The following GALNT18 variants were observed in gnomAD, a reference collection of about 807,000 sequenced individuals.
GALNT18 encodes the protein GalNAc-transferase 18.
A neutral mutation model predicts 69.5 loss-of-function variants in GALNT18; 44 were observed. That is an observed-to-expected ratio of 0.63 (90% CI 0.50 to 0.81). The LOEUF (loss-of-function observed/expected upper bound fraction) is 0.81. Among genes scored for constraint, GALNT18 ranks in the 40% least tolerant of loss-of-function variants. The pLI is 0.00. For missense variants in GALNT18, 715 were observed against 810.0 expected (o/e 0.88, Z 1.42); for synonymous variants, 364 against 318.2 (o/e 1.14, Z -1.53).
intron 1 of GALNT18, among the ~76,000 whole-genome samples, chr11:11,518,963 G>C (rs1857338921): frequency 6.6e-6 from 1 of 152,212 alleles, no homozygotes. Flanking sequence ...TGCTGTGGCA[G>C]CTAAAAGATC....
At chr11:11,504,349 C>T (rs1254153902) in intron 1 of GALNT18, among the ~76,000 whole-genome samples, 1 of 152,096 alleles carries the variant, frequency 6.6e-6, no homozygotes, top group Non-Finnish European at 1.5e-5. Context: ...ACTGAATAGC[C>T]CTGGGCACAC....
At chr11:11,295,059 A>C (rs1564884361) in intron 9 of GALNT18, among the ~76,000 whole-genome samples, 1 of 152,238 alleles carries the variant, frequency 6.6e-6, no homozygotes, top group Non-Finnish European at 1.5e-5. Context: ...GGTGGTTGAC[A>C]ACTACTTTTT....
At chr11:11,574,694 A>T (rs1199143576) in intron 1 of GALNT18, among the ~76,000 whole-genome samples, 2 of 152,212 alleles carry the variant, frequency 1.3e-5, no homozygotes, top group Non-Finnish European at 2.9e-5. Flanking sequence ...GGGTGCAGGC[A>T]GGAGCTGATG....
At position 11,277,510 on chromosome 11, in the gene GALNT18, CTCTGA is replaced by C. The variant is rs544595707; in HGVS notation, c.1678-6225_1678-6221del. ...CATGTCTCTATCTCCTTCAGTTCTG[CTCTGA>C]TCTTAGTTATTTCTTTCCTTCTGCC... is the stretch of plus-strand genomic sequence containing the variant. On this transcript the variant is annotated intron_variant, in intron 10 of 10. Transcript: ENST00000227756. Among the ~76,000 whole-genome samples, 39 of 152,262 alleles carry C rather than the reference CTCTGA, an allele frequency of 2.6e-4. No homozygotes were observed. In the South Asian group the frequency reaches 4.4e-3, roughly 17 times the overall value.
chr11:11,340,952 T>A lies in GALNT18; in HGVS notation c.1145A>T (p.His382Leu), dbSNP rs1400888026. The A allele has an allele frequency of 6.2e-6, 10 of 1,613,414 alleles. No individual in the cohort carries two copies. The highest frequency in any genetic ancestry group is 1.7e-5 in the Admixed American group (1 of 59,950). Reference sequence around the variant, plus strand: ...GTAGGGCTTGTGGGCTCGCTCAATGTGGGCAATCCGTGAGCAGGGCAGGAC... The same window carrying A: ...GTAGGGCTTGTGGGCTCGCTCAATGAGGGCAATCCGTGAGCAGGGCAGGAC... ...VEVLPCSRIA[H>L]IERAHKPYTE... Residue 382 changes from histidine (H) to leucine (L), a missense_variant, in exon 7 of 11, where the codon CAC (histidine) becomes CTC (leucine). Transcript: ENST00000227756. This position sits in a 1 kb window ranked among gnomAD's most constrained non-coding sequence, Gnocchi z 4.2.
chr11:11,288,568 A>G (rs1464470628), intron 10 of GALNT18, among the ~76,000 whole-genome samples: 3 of 152,174 alleles, frequency 2.0e-5, no homozygotes, highest in African/African-American at 7.2e-5. Context: ...TTATATCTGC[A>G]TTCCTCCTGT....
Position 11,327,114 on chromosome 11 carries a change from A to C in GALNT18, c.1484T>G (p.Met495Arg). The change falls in exon 9 of 11, where the codon ATG (methionine) becomes AGG (arginine). Residue 495 changes from methionine to arginine, a missense_variant. By Grantham distance (91) the Met-to-Arg change is moderately conservative. Transcript: ENST00000227756. ...AGGCGTCATCCCATGGCAGATGTAC[A>C]TGATGGGGACATTCTCTGTATCTGG... The part of the protein sequence containing the change: ...QGPDTENVPI[M>R]YICHGMTPQN... The C allele has an allele frequency of 1.2e-6, 2 of 1,613,878 alleles. No individual in the cohort carries two copies. The highest frequency in any genetic ancestry group is 1.7e-6 in the Non-Finnish European group (2 of 1,179,744).
At chr11:11,305,235 A>G (rs919342705) in intron 9 of GALNT18, among the ~76,000 whole-genome samples, 2 of 152,220 alleles carry the variant, frequency 1.3e-5, no homozygotes, top group South Asian at 2.1e-4. Flanking sequence ...GCTTAGATGC[A>G]GAGTGTGCCT....
At chr11:11,449,729 C>T (rs1489943348) in intron 1 of GALNT18, among the ~76,000 whole-genome samples, 1 of 152,236 alleles carries the variant, frequency 6.6e-6, no homozygotes, top group African/African-American at 2.4e-5. Context: ...GTCAGTGCTC[C>T]ACCACGTCCT....
At chr11:11,363,237 C>A (rs1170764377) in intron 6 of GALNT18, among the ~76,000 whole-genome samples, 1 of 152,062 alleles carries the variant, frequency 6.6e-6, no homozygotes, top group African/African-American at 2.4e-5. Context: ...TGTATATTTA[C>A]CTCATTTTTA....
At chr11:11,295,970 C>T (rs1280314860) in intron 9 of GALNT18, among the ~76,000 whole-genome samples, 1 of 152,056 alleles carries the variant, frequency 6.6e-6, no homozygotes, top group Non-Finnish European at 1.5e-5. Flanking sequence ...GCCTGGATTT[C>T]CAGGTCACCA....
intron 3 of GALNT18, among the ~76,000 whole-genome samples, chr11:11,390,231 C>G (rs1489320704): frequency 6.6e-6 from 1 of 152,168 alleles, no homozygotes; most frequent in South Asian, 2.1e-4. Context: ...ACTGTGTGCT[C>G]GTCATTTTCC....
At chr11:11,424,880 C>T (rs1402672161) in intron 3 of GALNT18, among the ~76,000 whole-genome samples, 3 of 152,094 alleles carry the variant, frequency 2.0e-5, no homozygotes, top group Non-Finnish European at 4.4e-5. Context: ...AGGAACAAAC[C>T]AGGATGGTCT....
At position 11,455,306 on chromosome 11, in the gene GALNT18, T is replaced by G. The variant is rs189361899; in HGVS notation, c.236-6370A>C. On this transcript the variant is annotated intron_variant, in intron 1 of 10. Coordinates refer to ENST00000227756, the MANE Select transcript of GALNT18 (RefSeq NM_198516.3). ...GTGGGAAGAGCAAATATATAGAGAA[T>G]GTAAACAATGCTCTGATCAAGGGTA... Among the ~76,000 whole-genome samples the G allele has an allele frequency of 5.9e-5, 9 of 152,260 alleles. No individual in the cohort carries two copies. The East Asian group carries it at 1.7e-3, about 29-fold the overall frequency.
Position 11,546,648 on chromosome 11 carries a change from T to C in GALNT18, c.235+74711A>G, listed in dbSNP as rs1215394403. ...CCAACCTACCTAGTGTTATCTACTGTCCACATACTCTGACCTCTAACCATA... is the reference window on the plus strand; with the variant it reads ...CCAACCTACCTAGTGTTATCTACTGCCCACATACTCTGACCTCTAACCATA... On this transcript the variant is annotated intron_variant, in intron 1 of 10. Coordinates refer to ENST00000227756, the MANE Select transcript of GALNT18 (RefSeq NM_198516.3). The surrounding 1 kb of genome is among the most constrained non-coding windows in gnomAD (Gnocchi z 5.8). Among the ~76,000 whole-genome samples the C allele has an allele frequency of 6.6e-6, 1 of 152,220 alleles. No homozygotes were observed. Among genetic ancestry groups the C allele is most frequent in the African/African-American group, 2.4e-5 (1 of 41,454 alleles).
chr11:11,557,949 C>T (rs1030763176), intron 1 of GALNT18, among the ~76,000 whole-genome samples: 7 of 152,182 alleles, frequency 4.6e-5, no homozygotes, highest in Admixed American at 1.3e-4. Context: ...AATTCAGCTG[C>T]GAGTGTTTTT....
chr11:11,303,766 T>G lies in GALNT18; in HGVS notation c.1513-10573A>C, dbSNP rs536180010. On this transcript the variant is annotated intron_variant, in intron 9 of 10. Transcript: ENST00000227756. ...GAGGAACAGCTGCACCCTTCTGACC[T>G]GGGACTGTTTATGGGACACCATCAC... Among the ~76,000 whole-genome samples the G allele has an allele frequency of 3.9e-5, 6 of 152,350 alleles. No individual in the cohort carries two copies. In the East Asian group the frequency reaches 1.2e-3, roughly 29 times the overall value.
At chr11:11,473,386 G>A (rs1245836442) in intron 1 of GALNT18, among the ~76,000 whole-genome samples, 9 of 152,038 alleles carry the variant, frequency 5.9e-5, no homozygotes, top group African/African-American at 1.7e-4. Context: ...TCAAACATTC[G>A]AAATGAAAGA....
chr11:11,415,641 T>C lies in GALNT18; in HGVS notation c.595+16980A>G, dbSNP rs1360655769. Reference sequence around the variant, plus strand: ...ACTTTGGTGACTCAGCTCCTATGGTTCTCAATCCCTTCATCTAAAGTGGGC... The same window carrying C: ...ACTTTGGTGACTCAGCTCCTATGGTCCTCAATCCCTTCATCTAAAGTGGGC... On this transcript the variant is annotated intron_variant, in intron 3 of 10. Coordinates refer to ENST00000227756, the MANE Select transcript of GALNT18 (RefSeq NM_198516.3). The surrounding 1 kb of genome is among the most constrained non-coding windows in gnomAD (Gnocchi z 4.1). Among the ~76,000 whole-genome samples, 2 of 152,146 alleles carry C rather than the reference T, an allele frequency of 1.3e-5. No individual in the cohort carries two copies. Among genetic ancestry groups the C allele is most frequent in the African/African-American group, 4.8e-5 (2 of 41,426 alleles).
Sources: gnomAD v4.1 joint callset for allele counts (sites outside exome capture counted in the v4.1 genomes callset) on GRCh38, gnomAD v4.1.1 for gene constraint, Gnocchi (gnomAD v3.1) non-coding constraint, MANE v1.5 for transcripts, NCBI Gene and HGNC (gene_info 2026-07-23, HGNC 2026-07-21) for gene names.